KRIT1: variants seen among roughly 807,000 people sequenced by gnomAD.
KRIT1 encodes KRIT1 ankyrin repeat containing.
In KRIT1, 45 loss-of-function variants were observed where a neutral mutation model predicts 95.8. The ratio of observed to expected loss-of-function variants is 0.47; its 90% CI spans 0.37 to 0.60. The LOEUF (loss-of-function observed/expected upper bound fraction) is 0.60, where lower values mean the gene tolerates loss of function less well. Among genes scored for constraint, KRIT1 ranks in the 20% least tolerant of loss-of-function variants. The pLI is 0.00. For synonymous variants in KRIT1, 282 were observed against 278.8 expected (o/e 1.01, Z -0.11); for missense variants, 788 against 877.5 (o/e 0.90, Z 1.29).
At chr7:92,230,708 A>G (rs1797100278) in intron 10 of KRIT1, among the ~76,000 whole-genome samples, 1 of 152,178 alleles carries the variant, frequency 6.6e-6, no homozygotes, top group African/African-American at 2.4e-5. Flanking sequence ...AGTGAATTTA[A>G]GGGGAATAAG....
intron 7 of KRIT1, 69 bp from the exon 8 acceptor site, chr7:92,235,715 T>A: frequency 1.4e-6 from 2 of 1,428,178 alleles, no homozygotes; most frequent in Non-Finnish European, 2.0e-6. Context: ...GATTACTATC[T>A]AACTCTGATA....
chr7:92,229,457 C>T (rs1796853241), intron 10 of KRIT1, among the ~76,000 whole-genome samples: 1 of 152,068 alleles, frequency 6.6e-6, no homozygotes, highest in Non-Finnish European at 1.5e-5. Flanking sequence ...CAAGAAAAAA[C>T]CACCCCATTA....
intron 14 of KRIT1, among the ~76,000 whole-genome samples, chr7:92,217,958 G>A (rs1370010497): frequency 6.6e-6 from 1 of 152,072 alleles, no homozygotes; most frequent in Non-Finnish European, 1.5e-5. Context: ...TAGTGGGTGT[G>A]GTTTCTCACT....
chr7:92,234,988 ATATTT>A, intron 8 of KRIT1, 65 bp from the exon 9 acceptor site: 2 of 804,234 alleles, frequency 2.5e-6, no homozygotes, highest in Non-Finnish European at 4.3e-6. Context: ...TTACATGTTT[ATATTT>A]TAAATTTTTA....
chr7:92,227,416 A>G (rs1222536406), intron 10 of KRIT1, among the ~76,000 whole-genome samples: 1 of 152,080 alleles, frequency 6.6e-6, no homozygotes, highest in East Asian at 1.9e-4. Flanking sequence ...TACAAAAATT[A>G]GGCGGGCATT....
At chr7:92,211,679 G>C (rs1792869817) in intron 17 of KRIT1, among the ~76,000 whole-genome samples, 1 of 152,100 alleles carries the variant, frequency 6.6e-6, no homozygotes, top group Non-Finnish European at 1.5e-5. Flanking sequence ...CCAATACAAA[G>C]AAATGATAAA....
chr7:92,218,079 G>A (rs1794356179), intron 14 of KRIT1, among the ~76,000 whole-genome samples: 1 of 151,992 alleles, frequency 6.6e-6, no homozygotes, highest in Admixed American at 6.6e-5. Flanking sequence ...TACAGACAGG[G>A]TCTTGCTCTT....
intron 14 of KRIT1, among the ~76,000 whole-genome samples, chr7:92,216,958 G>A (rs1487718454): frequency 6.6e-6 from 1 of 152,112 alleles, no homozygotes; most frequent in Non-Finnish European, 1.5e-5. Flanking sequence ...TAAACAGTAA[G>A]TGTAATTCTG....
intron 17 of KRIT1, among the ~76,000 whole-genome samples, chr7:92,212,039 A>T (rs939251015): frequency 3.9e-4 from 59 of 152,136 alleles, no homozygotes; most frequent in African/African-American, 1.4e-3. Flanking sequence ...CATGAGTTCA[A>T]AGCTGCAGTG....
intron 10 of KRIT1, among the ~76,000 whole-genome samples, chr7:92,233,434 A>G (rs1336293906): frequency 6.7e-6 from 1 of 150,042 alleles, no homozygotes; most frequent in Non-Finnish European, 1.5e-5. Context: ...TTGAAATGGA[A>G]TCTCACTCTG....
At chr7:92,222,246 T>C (rs1324618849) in intron 13 of KRIT1, among the ~76,000 whole-genome samples, 193 bp from the exon 14 acceptor site, 1 of 152,162 alleles carries the variant, frequency 6.6e-6, no homozygotes, top group African/African-American at 2.4e-5. Flanking sequence ...ATATAAGAAT[T>C]ATTAAAAATA....
chr7:92,233,908 G>C (rs1797857051), intron 10 of KRIT1, among the ~76,000 whole-genome samples: 1 of 152,120 alleles, frequency 6.6e-6, no homozygotes, highest in African/African-American at 2.4e-5. Flanking sequence ...AGCTACACTG[G>C]GCAACTAGTG....
chr7:92,234,577 T>C lies in KRIT1; in HGVS notation c.861A>G (p.Val287=). ...SVTEDKERQW[V]DDFPLHRSAC... is the part of the protein sequence containing the mutation. ...CGCTTCGGTGGAGAGGAAAATCATCTACCCACTGTCGTTCCCTAATCATTA... is the reference window on the plus strand; with the variant it reads ...CGCTTCGGTGGAGAGGAAAATCATCCACCCACTGTCGTTCCCTAATCATTA... The change falls in exon 10 of 19, where the codon GTA becomes GTG. Residue 287 remains valine (V), a synonymous_variant. Transcript: ENST00000394505. The C allele has an allele frequency of 6.2e-7, 1 of 1,613,156 alleles. No homozygotes were observed. The highest frequency in any genetic ancestry group is 2.2e-5 in the East Asian group (1 of 44,862).
chr7:92,213,972 TTTC>T lies in KRIT1; in HGVS notation c.1735_1737del (p.Glu579del). On this transcript the variant is annotated inframe_deletion, in exon 16 of 19. Transcript: ENST00000394505. ...GTAACAGGTACGATGGATTTTAGATTTTCTTCACTGTAAGCACACATGCCAACA... is the reference window on the plus strand; with the variant it reads ...GTAACAGGTACGATGGATTTTAGATTTTCACTGTAAGCACACATGCCAACA... The T allele has an allele frequency of 6.2e-7, 1 of 1,600,366 alleles. No individual in the cohort carries two copies. The highest frequency in any genetic ancestry group is 1.3e-5 in the African/African-American group (1 of 74,774).
At chr7:92,245,764 C>G (rs528050771) in intron 1 of KRIT1, 26 bp downstream of exon 1, 1 of 153,292 alleles carries the variant, frequency 6.5e-6, no homozygotes, top group African/African-American at 2.4e-5. Context: ...GCTCAGGTCT[C>G]TGGAGTCGGA....
chr7:92,216,346 CTAT>C (rs1052892340), intron 14 of KRIT1, among the ~76,000 whole-genome samples: 18 of 148,902 alleles, frequency 1.2e-4, no homozygotes, highest in African/African-American at 4.4e-4. Flanking sequence ...TTAAAATACT[CTAT>C]TATTAAATAT....
chr7:92,241,982 A>G, intron 4 of KRIT1, 52 bp downstream of exon 4: 1 of 963,940 alleles, frequency 1.0e-6, no homozygotes. Flanking sequence ...TGTGAATGAT[A>G]ATACAGAATG....
chr7:92,232,892 ATGGTG>A (rs1340006225), intron 10 of KRIT1, among the ~76,000 whole-genome samples: 1 of 152,010 alleles, frequency 6.6e-6, no homozygotes, highest in Non-Finnish European at 1.5e-5. Flanking sequence ...ACGGGATTTC[ATGGTG>A]TTAGCCAGGA....
At chr7:92,203,137 C>T (rs17164431) in intron 17 of KRIT1, among the ~76,000 whole-genome samples, 25,694 of 152,122 alleles carry the variant, frequency 0.17, 2,932 homozygotes, top group East Asian at 0.38. Flanking sequence ...ACAACTGACA[C>T]AAAAAACACA....
Sources: allele counts gnomAD v4.1 joint callset (sites outside exome capture counted in the v4.1 genomes callset), GRCh38; gene constraint gnomAD v4.1.1; transcripts MANE v1.5; gene names NCBI Gene and HGNC (gene_info 2026-07-23, HGNC 2026-07-21).